The following SMYD1 variants were observed in gnomAD, a reference collection of about 807,000 sequenced individuals.
SMYD1 encodes histone-lysine N-methyltransferase SMYD1.
A neutral mutation model predicts 54.0 loss-of-function variants in SMYD1; 49 were observed. That is an observed-to-expected ratio of 0.91 (90% confidence interval 0.72 to 1.15). SMYD1 has a LOEUF of 1.15. SMYD1 is among the 50% of genes most tolerant of loss of function. The pLI, the probability that SMYD1 is intolerant of heterozygous loss-of-function variation, is 0.00. For synonymous variants in SMYD1, 269 were observed against 234.2 expected (o/e 1.15, Z -1.36); for missense variants, 653 against 639.6 (o/e 1.02, Z -0.23).
chr2:88,099,372 C>T (rs1674670484), intron 6 of SMYD1, among the ~76,000 whole-genome samples: 1 of 152,162 alleles, frequency 6.6e-6, no homozygotes, highest in Non-Finnish European at 1.5e-5. Context: ...AGGCATGAGC[C>T]ACAGTGCCTG....
chr2:88,090,931 T>G, intron 3 of SMYD1, 81 bp from the exon 4 acceptor site: 1 of 1,504,240 alleles, frequency 6.6e-7, no homozygotes, highest in Non-Finnish European at 9.0e-7. Flanking sequence ...GGTCTTCTGT[T>G]TTTTAAAACT....
chr2:88,072,275 C>T (rs751954629), intron 1 of SMYD1, among the ~76,000 whole-genome samples: 4 of 152,206 alleles, frequency 2.6e-5, no homozygotes, highest in South Asian at 2.1e-4. Context: ...CTCAGCCTCC[C>T]GAGTAGCTGG....
intron 1 of SMYD1, among the ~76,000 whole-genome samples, chr2:88,071,571 C>G (rs1350103180): frequency 1.3e-5 from 2 of 152,138 alleles, no homozygotes; most frequent in Non-Finnish European, 2.9e-5. Context: ...TCAGGCACAC[C>G]TTCCTCCTGA....
intron 1 of SMYD1, among the ~76,000 whole-genome samples, chr2:88,081,932 T>C (rs1674207103): frequency 6.6e-6 from 1 of 152,142 alleles, no homozygotes; most frequent in African/African-American, 2.4e-5. Flanking sequence ...GGAATCCAAT[T>C]TACTTGGATT....
chr2:88,108,441 G>A lies in SMYD1; in HGVS notation c.1216G>A (p.Ala406Thr), dbSNP rs200376153. 15 of 1,612,980 alleles carry A rather than the reference G, an allele frequency of 9.3e-6. No individual in the cohort carries two copies. Among genetic ancestry groups the A allele is most frequent in the South Asian group, 3.3e-5 (3 of 90,806 alleles). ...VMRAGLTNWH[A>T]GNIEVGHGMI... ...GCGGGCAGGGCTGACCAACTGGCAT[G>A]CTGGTAACATTGAGGTGGGGCACGG... Residue 406 changes from alanine (A) to threonine (T), a missense_variant, in exon 9 of 10, where the codon GCT becomes ACT. Ala to Thr is a moderately conservative substitution (Grantham distance 58). Transcript: ENST00000419482.
In SMYD1 at chr2:88,079,808, G is replaced by A. The variant is rs1328116282; in HGVS notation, c.138-4508G>A. Among the ~76,000 whole-genome samples, 4 of 152,146 alleles carry A rather than the reference G, an allele frequency of 2.6e-5. No individual in the cohort carries two copies. The East Asian group carries it at 7.7e-4, about 29-fold the overall frequency. On this transcript the variant is annotated intron_variant, in intron 1 of 9. Transcript: ENST00000419482. ...TGCACTCCAGCCTGGGCTACAGAGTGTGACTCCATCTCAAAAGAAAAAACA... is the reference window on the plus strand; with the variant it reads ...TGCACTCCAGCCTGGGCTACAGAGTATGACTCCATCTCAAAAGAAAAAACA...
chr2:88,079,864 T>C (rs985717527), intron 1 of SMYD1, among the ~76,000 whole-genome samples: 10 of 152,316 alleles, frequency 6.6e-5, no homozygotes, highest in South Asian at 2.1e-4. Context: ...TGTTTTTTGT[T>C]ACCACCATGT....
Position 88,103,227 on chromosome 2 carries a change from G to C in SMYD1, c.981+77G>C, listed in dbSNP as rs146097128. On this transcript the variant is annotated intron_variant, in intron 7 of 9. Coordinates refer to ENST00000419482, the MANE Select transcript of SMYD1 (RefSeq NM_198274.4). ...TTCTCCAGTAAGGGAGGGAAGTGGCGTGAGAACGGGCGGCGGGGGAGGGGG... is the reference window on the plus strand; with the variant it reads ...TTCTCCAGTAAGGGAGGGAAGTGGCCTGAGAACGGGCGGCGGGGGAGGGGG... 15 of 1,191,088 alleles carry C rather than the reference G, an allele frequency of 1.3e-5. 1 individual carries two copies. The highest frequency in any genetic ancestry group is 1.2e-4 in the East Asian group (5 of 41,904). 73.8% of individuals were successfully genotyped at this position (1,191,088 alleles called of 1,614,324 possible).
At chr2:88,107,965 G>C (rs761657460) in intron 8 of SMYD1, among the ~76,000 whole-genome samples, 1 of 152,214 alleles carries the variant, frequency 6.6e-6, no homozygotes, top group Non-Finnish European at 1.5e-5. Context: ...CCCACTGTCC[G>C]ACAATCCCCA....
At chr2:88,100,477 G>A (rs576695465) in intron 6 of SMYD1, among the ~76,000 whole-genome samples, 1 of 152,266 alleles carries the variant, frequency 6.6e-6, no homozygotes, top group Non-Finnish European at 1.5e-5. Context: ...ATTTACAGTA[G>A]ATTAGATATT....
chr2:88,110,325 A>G (rs1674986820), intron 9 of SMYD1, 29 bp from the exon 10 acceptor site: 2 of 1,592,928 alleles, frequency 1.3e-6, no homozygotes, highest in East Asian at 2.2e-5. Context: ...GCTTGCTATC[A>G]CTGTTTACGG....
At position 88,093,558 on chromosome 2, in the gene SMYD1, G is replaced by A. The variant is rs367610272; in HGVS notation, c.698+3G>A. The A allele has an allele frequency of 3.7e-6, 6 of 1,614,014 alleles. No homozygotes were observed. In the African/African-American group the frequency reaches 8.0e-5, roughly 22 times the overall value. ...TCCATGTTTCATACCCAGATGAGGT[G>A]GGTCAGTCCTTTCAAGCATCCCTGC... On this transcript the variant is annotated splice_donor_region_variant and intron_variant, in intron 5 of 9. Transcript: ENST00000419482.
intron 6 of SMYD1, among the ~76,000 whole-genome samples, chr2:88,102,354 C>T (rs531274782): frequency 4.1e-5 from 5 of 121,390 alleles, no homozygotes; most frequent in Non-Finnish European, 8.7e-5. Context: ...AATATCAAAA[C>T]CTTGTTTTGT....
Position 88,067,835 on chromosome 2 carries a change from A to G in SMYD1, c.-30A>G, listed in dbSNP as rs756090515. On this transcript the variant is annotated 5_prime_UTR_variant, in exon 1 of 10. In the 5' UTR this introduces an upstream ATG that the reference lacks. Transcript: ENST00000419482. The stretch of plus-strand genomic sequence containing the variant: ...CAAGAGACTTGGCTCAGTGTTAAAT[A>G]ACTGCCGCGCTGGCCTGACAGTCTC... 1.2e-6 allele frequency: 2 copies of G among 1,607,250 alleles called. No homozygotes were observed. Among genetic ancestry groups the G allele is most frequent in the South Asian group, 2.2e-5 (2 of 90,244 alleles).
intron 1 of SMYD1, chr2:88,083,194 G>A (rs1217758547): frequency 6.6e-6 from 1 of 152,110 alleles, no homozygotes; most frequent in Non-Finnish European, 1.5e-5. Context: ...CACGGAAATG[G>A]TTTTCATTAT....
chr2:88,103,141 G>A lies in SMYD1; in HGVS notation c.972G>A (p.Leu324=). The A allele has an allele frequency of 6.2e-7, 1 of 1,606,418 alleles. No homozygotes were observed. The highest frequency in any genetic ancestry group is 8.5e-7 in the Non-Finnish European group (1 of 1,175,310). ...EKIDKARSEG[L]YHEVVKLCRE... Reference sequence around the variant, plus strand: ...TAGACAAGGCTCGTTCCGAGGGTTTGTATCATGAGGTAAGAATTCACTTGT... The same window carrying A: ...TAGACAAGGCTCGTTCCGAGGGTTTATATCATGAGGTAAGAATTCACTTGT... The change falls in exon 7 of 10, where the codon TTG becomes TTA. Residue 324 remains leucine (L), a synonymous_variant. Transcript: ENST00000419482.
intron 9 of SMYD1, 152 bp from the exon 10 acceptor site, chr2:88,110,202 T>TGTGTGTGG: frequency 8.3e-6 from 1 of 120,502 alleles, no homozygotes; most frequent in Non-Finnish European, 1.3e-5. Context: ...GATGAATGAG[T>TGTGTGTGG]GTGTGTGTGT....
rs1012386345 is a variant in SMYD1, at chr2:88,084,217, C to A, written c.138-99C>A. 4.1e-5 allele frequency: 41 copies of A among 1,006,840 alleles called. No homozygotes were observed. The Admixed American group carries it at 6.0e-4, about 15-fold the overall frequency. The allele number at this position is 1,006,840 out of a possible 1,614,324, so 62.4% of individuals were successfully genotyped here. On this transcript the variant is annotated intron_variant, in intron 1 of 9. Coordinates refer to ENST00000419482, the MANE Select transcript of SMYD1 (RefSeq NM_198274.4). ...ATCTGAAGTTTAGATAAATAAGGAC[C>A]AGCCAGCTGAACCAGTACTGGAACA...
chr2:88,083,432 G>A lies in SMYD1; in HGVS notation c.138-884G>A, dbSNP rs113702357. ...CACTAAGAGGCTGGAAGCACCGGGCGGGGATCCTCATCTTCCCACACCTCT... is the reference window on the plus strand; with the variant it reads ...CACTAAGAGGCTGGAAGCACCGGGCAGGGATCCTCATCTTCCCACACCTCT... On this transcript the variant is annotated intron_variant, in intron 1 of 9. Coordinates refer to ENST00000419482, the MANE Select transcript of SMYD1 (RefSeq NM_198274.4). Among the ~76,000 whole-genome samples, 120 of 152,146 alleles carry A rather than the reference G, an allele frequency of 7.9e-4. 1 individual carries two copies. The highest frequency in any genetic ancestry group is 2.5e-3 in the African/African-American group (104 of 41,506).
Sources: allele counts gnomAD v4.1 joint callset (sites outside exome capture counted in the v4.1 genomes callset), GRCh38; gene constraint gnomAD v4.1.1; transcripts MANE v1.5; gene names NCBI Gene and HGNC (gene_info 2026-07-23, HGNC 2026-07-21).